Variants in MPHOSPH10 observed in about 807,000 individuals in gnomAD.
The protein encoded by MPHOSPH10 is M-phase phosphoprotein 10.
In MPHOSPH10, 33 loss-of-function variants were observed where a neutral mutation model predicts 77.3. The observed-to-expected ratio is 0.43, with a 90% CI of 0.32 to 0.57. The LOEUF is 0.57. MPHOSPH10 is among the 20% of genes least tolerant of loss of function. The pLI is 0.07. For synonymous variants in MPHOSPH10, 245 were observed against 268.0 expected, an observed-to-expected ratio of 0.91 and a Z score of 0.84; for missense variants, 708 against 780.1, an observed-to-expected ratio of 0.91 and a Z score of 1.10.
At chr2:71,136,241 G>A (rs558978713) in intron 4 of MPHOSPH10, among the ~76,000 whole-genome samples, 43 of 152,054 alleles carry the variant, frequency 2.8e-4, no homozygotes, top group Admixed American at 3.3e-4. Flanking sequence ...TGAGAATAGG[G>A]CCAGGCACAG....
chr2:71,133,603 C>T, intron 2 of MPHOSPH10, 27 bp downstream of exon 2: 1 of 1,407,556 alleles, frequency 7.1e-7, no homozygotes. Context: ...AGAGAGAGCA[C>T]TTTCCTCCTC....
chr2:71,135,305 C>T (rs761835974), intron 4 of MPHOSPH10, among the ~76,000 whole-genome samples: 3 of 151,600 alleles, frequency 2.0e-5, no homozygotes, highest in Non-Finnish European at 2.9e-5. Flanking sequence ...CAGCACTTTT[C>T]GGGGCTGAGG....
intron 4 of MPHOSPH10, among the ~76,000 whole-genome samples, chr2:71,135,807 A>G (rs904381654): frequency 1.3e-5 from 2 of 150,352 alleles, no homozygotes; most frequent in Non-Finnish European, 3.0e-5. Context: ...GGTTCAATCA[A>G]TTTTCCTGCC....
intron 4 of MPHOSPH10, among the ~76,000 whole-genome samples, chr2:71,136,408 G>A (rs990242846): frequency 1.3e-5 from 2 of 152,068 alleles, no homozygotes; most frequent in East Asian, 1.9e-4. Context: ...TTTGCTACTC[G>A]AGAGGCTGAT....
chr2:71,142,222 G>T (rs924825833), intron 7 of MPHOSPH10, among the ~76,000 whole-genome samples: 5 of 152,098 alleles, frequency 3.3e-5, no homozygotes, highest in Admixed American at 6.5e-5. Context: ...ACCAGATTTT[G>T]TTAATGAATG....
intron 2 of MPHOSPH10, 25 bp from the exon 3 acceptor site, chr2:71,133,923 A>G (rs1040421130): frequency 1.4e-6 from 2 of 1,424,134 alleles, no homozygotes; most frequent in Middle Eastern, 4.6e-4. Flanking sequence ...CCTAATTAAT[A>G]GTTTTTAATA....
At chr2:71,136,937 CACA>C (rs1673506633) in intron 4 of MPHOSPH10, among the ~76,000 whole-genome samples, 1 of 147,250 alleles carries the variant, frequency 6.8e-6, no homozygotes, top group African/African-American at 2.5e-5. Flanking sequence ...CACACACACA[CACA>C]CACACACACA....
chr2:71,146,530 G>A (rs1280967885), intron 8 of MPHOSPH10, among the ~76,000 whole-genome samples: 3 of 151,986 alleles, frequency 2.0e-5, no homozygotes, highest in African/African-American at 7.3e-5. Context: ...TAGAGACGGG[G>A]TTTCACCATG....
chr2:71,133,004 C>T lies in MPHOSPH10; in HGVS notation c.196C>T (p.Leu66Phe). 1 of 1,614,120 alleles carries T rather than the reference C, an allele frequency of 6.2e-7. No homozygotes were observed. The highest frequency in any genetic ancestry group is 8.5e-7 in the Non-Finnish European group (1 of 1,180,004). The change falls in exon 2 of 11, where the codon CTT becomes TTT. Residue 66 changes from leucine (L) to phenylalanine (F), a missense_variant. Transcript: ENST00000244230. ...GATCCATGGAAGCCCCTTGCAAAAA[C>T]TTGTGATAGAAAATTTTGATGATGA... ...GRIHGSPLQK[L>F]VIENFDDEQI...
At chr2:71,143,913 T>C (rs1673658766) in intron 7 of MPHOSPH10, among the ~76,000 whole-genome samples, 1 of 152,222 alleles carries the variant, frequency 6.6e-6, no homozygotes, top group Non-Finnish European at 1.5e-5. Flanking sequence ...ATGTATTTGT[T>C]TGAGTATCTA....
chr2:71,130,771 C>G lies in MPHOSPH10; in HGVS notation c.89+17C>G. 1.3e-6 allele frequency: 2 copies of G among 1,594,900 alleles called. No homozygotes were observed. Among genetic ancestry groups the G allele is most frequent in the South Asian group, 1.1e-5 (1 of 89,464 alleles). On this transcript the variant is annotated intron_variant, in intron 1 of 10. Coordinates refer to ENST00000244230, the MANE Select transcript of MPHOSPH10 (RefSeq NM_005791.3). The stretch of plus-strand genomic sequence containing the variant: ...CTTCCTCACGTAAGTGCGCAGATCC[C>G]GGGCTCGGGGTGCGACCGGGGTCTC...
At chr2:71,133,676 A>C (rs948114679) in intron 2 of MPHOSPH10, 100 bp downstream of exon 2, 1 of 1,262,070 alleles carries the variant, frequency 7.9e-7, no homozygotes, top group South Asian at 1.6e-5. Context: ...TTTAGTGATA[A>C]GAAATATTGT....
rs1355577997 is a variant in MPHOSPH10, at chr2:71,133,717, T to C, written c.768+141T>C. On this transcript the variant is annotated intron_variant, in intron 2 of 10. Transcript: ENST00000244230. ...ATCTTATCAGTTATAAATGAATCTG[T>C]ACTTCCATTCAATTTATGTTCCAGT... The C allele has an allele frequency of 2.9e-6, 3 of 1,033,560 alleles. No homozygotes were observed. The East Asian group carries it at 8.0e-5, about 28-fold the overall frequency. 64.0% of individuals were successfully genotyped at this position (1,033,560 alleles called of 1,614,324 possible).
intron 4 of MPHOSPH10, among the ~76,000 whole-genome samples, chr2:71,136,848 C>CTTTTTTT (rs60456435): frequency 2.5e-5 from 3 of 118,642 alleles, no homozygotes; most frequent in African/African-American, 9.7e-5. Context: ...AACTTTCAAC[C>CTTTTTTT]TTTTTTTTTT....
At chr2:71,141,657 G>C (rs546290182) in intron 7 of MPHOSPH10, among the ~76,000 whole-genome samples, 1 of 152,226 alleles carries the variant, frequency 6.6e-6, no homozygotes, top group South Asian at 2.1e-4. Flanking sequence ...ATTTCTCATT[G>C]ATATTTTGAA....
In MPHOSPH10 at chr2:71,130,670, C is replaced by T; in HGVS notation, c.5C>T (p.Ala2Val). 6.2e-7 allele frequency: 1 copy of T among 1,608,114 alleles called. No individual in the cohort carries two copies. Among genetic ancestry groups the T allele is most frequent in the Non-Finnish European group, 8.5e-7 (1 of 1,177,786 alleles). M[A>V]PQVWRRRTLE... ...TGTCGGGAGTTGCTGACAGCCATGG[C>T]GCCGCAGGTCTGGCGTCGACGGACC... Residue 2 changes from alanine (A) to valine (V), a missense_variant, in exon 1 of 11, where the codon GCG becomes GTG. By Grantham distance (64) the Ala-to-Val change is moderately conservative. Coordinates refer to ENST00000244230, the MANE Select transcript of MPHOSPH10 (RefSeq NM_005791.3).
intron 1 of MPHOSPH10, among the ~76,000 whole-genome samples, chr2:71,132,683 G>C: frequency 6.6e-6 from 1 of 152,136 alleles, no homozygotes; most frequent in Admixed American, 6.6e-5. Context: ...TGGTTTTCCT[G>C]CCTAAAATCT....
intron 5 of MPHOSPH10, 86 bp from the exon 6 acceptor site, chr2:71,139,709 T>C (rs1462122637): frequency 5.8e-6 from 5 of 865,654 alleles, no homozygotes; most frequent in Non-Finnish European, 9.1e-6. Context: ...TTCCCACGTG[T>C]TGCTGATGCT....
At position 71,144,081 on chromosome 2, in the gene MPHOSPH10, C is replaced by T. The variant is rs150942363; in HGVS notation, c.1447-347C>T. On this transcript the variant is annotated intron_variant, in intron 7 of 10. Transcript: ENST00000244230. The stretch of plus-strand genomic sequence containing the variant: ...CAATGCACAAGGGTTCCAGTTTCTC[C>T]ATCCTTGCCAACACTTGTTATCACT... Among the ~76,000 whole-genome samples, 27 of 152,322 alleles carry T rather than the reference C, an allele frequency of 1.8e-4. No individual in the cohort carries two copies. The East Asian group carries it at 4.4e-3, about 25-fold the overall frequency.
Sources: allele counts gnomAD v4.1 joint callset (sites outside exome capture counted in the v4.1 genomes callset), GRCh38; gene constraint gnomAD v4.1.1; transcripts MANE v1.5; gene names NCBI Gene and HGNC (gene_info 2026-07-23, HGNC 2026-07-21).